The following RASAL2 variants were observed in gnomAD, a reference collection of about 807,000 sequenced individuals.
RASAL2 encodes RAS protein activator like 2.
In RASAL2, 58 loss-of-function variants were observed where a neutral mutation model predicts 128.9. The observed-to-expected ratio is 0.45, with a 90% CI of 0.36 to 0.56. RASAL2 has a LOEUF of 0.56. Ranked by LOEUF, RASAL2 falls within the 20% of genes least tolerant of loss-of-function variation. RASAL2 has a pLI of 0.00. For synonymous variants in RASAL2, 561 were observed against 580.8 expected (o/e 0.97, Z 0.49); for missense variants, 1,360 against 1,601.6 (o/e 0.85, Z 2.57).
chr1:178,101,701 G>A (rs566105114), intron 1 of RASAL2, among the ~76,000 whole-genome samples: 1 of 152,286 alleles, frequency 6.6e-6, no homozygotes, highest in South Asian at 2.1e-4. Flanking sequence ...ACTGGCTCAG[G>A]AAGTTTAGCT....
At chr1:178,365,082 A>C (rs1031833705) in intron 3 of RASAL2, among the ~76,000 whole-genome samples, 2 of 151,696 alleles carry the variant, frequency 1.3e-5, no homozygotes, top group African/African-American at 4.9e-5. Context: ...ATTACTTTAC[A>C]TCTTGATAGC....
intron 1 of RASAL2, among the ~76,000 whole-genome samples, chr1:178,218,148 A>G (rs1663489580): frequency 6.6e-6 from 1 of 152,082 alleles, no homozygotes; most frequent in South Asian, 2.1e-4. Flanking sequence ...ACACATCTGC[A>G]TTACATCCTT....
intron 3 of RASAL2, among the ~76,000 whole-genome samples, chr1:178,318,087 A>G (rs1420649668): frequency 2.6e-5 from 4 of 152,072 alleles, no homozygotes; most frequent in East Asian, 1.9e-4. Context: ...TTCAGTTTCC[A>G]TGTAGTTGAG....
At chr1:178,470,889 C>T (rs1305870851) in intron 17 of RASAL2, among the ~76,000 whole-genome samples, 1 of 152,110 alleles carries the variant, frequency 6.6e-6, no homozygotes, top group East Asian at 1.9e-4. Context: ...TTGAAATGTC[C>T]GAGCATCTTT....
chr1:178,104,108 G>T (rs1268467234), intron 1 of RASAL2, among the ~76,000 whole-genome samples: 1 of 151,864 alleles, frequency 6.6e-6, no homozygotes, highest in Non-Finnish European at 1.5e-5. Flanking sequence ...CTAGTACTTC[G>T]TTGGTTTTAT....
At chr1:178,135,339 T>G (rs910639955) in intron 1 of RASAL2, among the ~76,000 whole-genome samples, 4 of 152,124 alleles carry the variant, frequency 2.6e-5, no homozygotes, top group Non-Finnish European at 4.4e-5. Context: ...AAGTTTATAC[T>G]TTCTATTTTC....
chr1:178,341,669 T>A (rs1325660300), intron 3 of RASAL2: 2 of 1,607,862 alleles, frequency 1.2e-6, no homozygotes, highest in African/African-American at 2.7e-5. Flanking sequence ...GGAATGTGGC[T>A]TTTTAAAAAT....
chr1:178,246,024 T>G (rs1664752869), intron 1 of RASAL2, among the ~76,000 whole-genome samples: 1 of 152,202 alleles, frequency 6.6e-6, no homozygotes, highest in Admixed American at 6.5e-5. Context: ...TTGTTCTTTT[T>G]GCTTAGGATT....
chr1:178,167,312 ACTT>A (rs1051964487), intron 1 of RASAL2, among the ~76,000 whole-genome samples: 1 of 152,140 alleles, frequency 6.6e-6, no homozygotes, highest in Non-Finnish European at 1.5e-5. Context: ...CTACTGTGAA[ACTT>A]CTTCATATAA....
chr1:178,134,438 G>T (rs1482267074), intron 1 of RASAL2, among the ~76,000 whole-genome samples: 1 of 143,308 alleles, frequency 7.0e-6, no homozygotes, highest in Non-Finnish European at 1.5e-5. Context: ...AGCCTAGGTG[G>T]CAAAGTGAGA....
intron 1 of RASAL2, among the ~76,000 whole-genome samples, chr1:178,148,601 A>C (rs1041654587): frequency 1.2e-4 from 18 of 152,066 alleles, no homozygotes; most frequent in Admixed American, 3.9e-4. Flanking sequence ...GGTGTGCACC[A>C]GCATGCCTGG....
At chr1:178,200,221 T>C (rs1210256591) in intron 1 of RASAL2, among the ~76,000 whole-genome samples, 1 of 152,200 alleles carries the variant, frequency 6.6e-6, no homozygotes, top group Non-Finnish European at 1.5e-5. Context: ...ATGGAGTTCT[T>C]TTGTTGGTTC....
intron 1 of RASAL2, among the ~76,000 whole-genome samples, chr1:178,218,401 A>T (rs1449333169): frequency 6.6e-6 from 1 of 152,184 alleles, no homozygotes; most frequent in Non-Finnish European, 1.5e-5. Context: ...TATAGTCAGT[A>T]TGCGGCCAGG....
intron 1 of RASAL2, among the ~76,000 whole-genome samples, chr1:178,257,399 A>G (rs1665412707): frequency 6.7e-6 from 1 of 150,004 alleles, no homozygotes; most frequent in Non-Finnish European, 1.5e-5. Context: ...AAGAATCAAG[A>G]CAGTGTGGTG....
intron 1 of RASAL2, among the ~76,000 whole-genome samples, chr1:178,097,359 G>A (rs1270748087): frequency 6.6e-6 from 1 of 152,162 alleles, no homozygotes; most frequent in Non-Finnish European, 1.5e-5. Context: ...CTGCAGGTTG[G>A]CCTATAATCT....
At chr1:178,311,611 C>T (rs1466189190) in intron 3 of RASAL2, among the ~76,000 whole-genome samples, 1 of 152,004 alleles carries the variant, frequency 6.6e-6, no homozygotes, top group Non-Finnish European at 1.5e-5. Context: ...GGGCATTTTA[C>T]CACATATGAG....
At chr1:178,386,924 T>A (rs1672608879) in intron 3 of RASAL2, among the ~76,000 whole-genome samples, 1 of 152,224 alleles carries the variant, frequency 6.6e-6, no homozygotes, top group Non-Finnish European at 1.5e-5. Flanking sequence ...GTAGCAGCTT[T>A]CCTTTCTGCT....
At chr1:178,400,321 C>T (rs1019350861) in intron 4 of RASAL2, among the ~76,000 whole-genome samples, 3 of 152,196 alleles carry the variant, frequency 2.0e-5, no homozygotes, top group South Asian at 4.1e-4. Flanking sequence ...GGTCTCCTTA[C>T]ACATTTCTGC....
At position 178,477,004 on chromosome 1, in the gene RASAL2, C is replaced by T. The variant is rs1198478701; in HGVS notation, c.*3765C>T. 1 of 152,506 alleles carries T rather than the reference C, an allele frequency of 6.6e-6. No homozygotes were observed. Among genetic ancestry groups the T allele is most frequent in the Non-Finnish European group, 1.5e-5 (1 of 68,076 alleles). 9.4% of individuals were successfully genotyped at this position (152,506 alleles called of 1,614,324 possible). A position where few individuals can be genotyped will look rare whatever the true frequency, so the allele number is the denominator to read the frequency against. ...ACCCTCTTCAGGATTACCTCAGTCC[C>T]ATCAGTCTACCCCATTGTGACATTG... On this transcript the variant is annotated 3_prime_UTR_variant, in exon 18 of 18. Coordinates refer to ENST00000367649, the MANE Select transcript of RASAL2 (RefSeq NM_170692.4).
Sources: allele counts gnomAD v4.1 joint callset (sites outside exome capture counted in the v4.1 genomes callset), GRCh38; gene constraint gnomAD v4.1.1; transcripts MANE v1.5; gene names NCBI Gene and HGNC (gene_info 2026-07-23, HGNC 2026-07-21).